The following MARK1 variants were observed in gnomAD, a reference collection of about 807,000 sequenced individuals.
MARK1 encodes microtubule affinity regulating kinase 1, also known as serine/threonine-protein kinase MARK1.
MARK1 carries 40 observed loss-of-function variants against 96.3 expected under a neutral mutation model. The ratio of observed to expected loss-of-function variants is 0.42; its 90% confidence interval spans 0.32 to 0.54. MARK1 has a LOEUF of 0.54. Among genes scored for constraint, MARK1 ranks in the 20% least tolerant of loss-of-function variants. The pLI is 0.16. For missense variants in MARK1, 719 were observed against 984.6 expected, an observed-to-expected ratio of 0.73 and a Z score of 3.61; for synonymous variants, 317 against 341.2, an observed-to-expected ratio of 0.93 and a Z score of 0.78.
At chr1:220,584,224 A>G (rs751622822) in intron 3 of MARK1, among the ~76,000 whole-genome samples, 7 of 152,084 alleles carry the variant, frequency 4.6e-5, no homozygotes, top group Admixed American at 1.3e-4. Context: ...TACATTTTCT[A>G]TTGTTTTACT....
At chr1:220,569,063 A>G (rs886424561) in intron 1 of MARK1, among the ~76,000 whole-genome samples, 4 of 152,188 alleles carry the variant, frequency 2.6e-5, no homozygotes, top group Non-Finnish European at 5.9e-5. Context: ...TCACCATCAA[A>G]TGCTATCAAA....
At chr1:220,551,027 G>A (rs1661820255) in intron 1 of MARK1, among the ~76,000 whole-genome samples, 1 of 152,214 alleles carries the variant, frequency 6.6e-6, no homozygotes, top group Non-Finnish European at 1.5e-5. Context: ...AGATGAATGT[G>A]ACATGGGGGA....
At position 220,596,770 on chromosome 1, in the gene MARK1, C is replaced by CATTT. The variant is rs530544607; in HGVS notation, c.310-1559_310-1556dup. Reference sequence around the variant, plus strand: ...TATACAATTCAGTGGCATTAAGGTGCATTTACATTGTTGTTCAAACATCAC... The same window carrying CATTT: ...TATACAATTCAGTGGCATTAAGGTGCATTTATTTACATTGTTGTTCAAACATCAC... On this transcript the variant is annotated intron_variant, in intron 3 of 17. Coordinates refer to ENST00000366917, the MANE Select transcript of MARK1 (RefSeq NM_018650.5). Among the ~76,000 whole-genome samples the CATTT allele has an allele frequency of 1.9e-3, 295 of 152,186 alleles. 1 individual carries two copies. Among genetic ancestry groups the CATTT allele is most frequent in the African/African-American group, 6.7e-3 (277 of 41,530 alleles).
intron 14 of MARK1, 63 bp from the exon 15 acceptor site, chr1:220,651,923 T>G (rs905225282): frequency 4.3e-6 from 6 of 1,390,414 alleles, no homozygotes; most frequent in African/African-American, 1.4e-5. Flanking sequence ...GTTCTTAAAT[T>G]TTAGTAAACC....
Position 220,528,757 on chromosome 1 carries a change from G to GC in MARK1, c.-60dup, listed in dbSNP as rs1368461508. 14 of 1,472,472 alleles carry GC rather than the reference G, an allele frequency of 9.5e-6. No individual in the cohort carries two copies. The highest frequency in any genetic ancestry group is 7.2e-5 in the African/African-American group (5 of 69,200). 91.2% of individuals were successfully genotyped at this position (1,472,472 alleles called of 1,614,324 possible). On this transcript the variant is annotated 5_prime_UTR_variant, in exon 1 of 18. Coordinates refer to ENST00000366917, the MANE Select transcript of MARK1 (RefSeq NM_018650.5). ...CTCGCGTCCGCACCCCTTTCCTGTC[G>GC]CCCCCCGGGGCCCGCACCACAGCCC...
chr1:220,537,472 T>C (rs1660789556), intron 1 of MARK1, among the ~76,000 whole-genome samples: 1 of 151,604 alleles, frequency 6.6e-6, no homozygotes, highest in Admixed American at 6.6e-5. Context: ...CACATTTTCT[T>C]ACTCCAGTCT....
chr1:220,556,323 A>T (rs1380836567), intron 1 of MARK1, among the ~76,000 whole-genome samples: 1 of 152,140 alleles, frequency 6.6e-6, no homozygotes, highest in Non-Finnish European at 1.5e-5. Context: ...TTAAATGATT[A>T]TTCTAAATAA....
chr1:220,530,239 GAT>G (rs1270404446), intron 1 of MARK1, among the ~76,000 whole-genome samples: 1 of 152,104 alleles, frequency 6.6e-6, no homozygotes, highest in Admixed American at 6.5e-5. Flanking sequence ...AAATGGGAAA[GAT>G]AGTGTAAGGC....
At position 220,528,153 on chromosome 1, in the gene MARK1, A is replaced by G. The variant is rs1399534241; in HGVS notation, c.-670A>G. 1 of 150,318 alleles carries G rather than the reference A, an allele frequency of 6.7e-6. No individual in the cohort carries two copies. Among genetic ancestry groups the G allele is most frequent in the African/African-American group, 2.4e-5 (1 of 41,134 alleles). The allele number at this position is 150,318 out of a possible 1,614,324, so 9.3% of individuals were successfully genotyped here. A position where few individuals can be genotyped will look rare whatever the true frequency, so the allele number is the denominator to read the frequency against. On this transcript the variant is annotated 5_prime_UTR_variant, in exon 1 of 18. Coordinates refer to ENST00000366917, the MANE Select transcript of MARK1 (RefSeq NM_018650.5). ...GCCCGCCCACCCGGCGGCGGCCGCC[A>G]AGTGCCTCTGGGCGCTGCGTGCCGC...
chr1:220,591,656 A>G (rs1353276882), intron 3 of MARK1, among the ~76,000 whole-genome samples: 1 of 152,216 alleles, frequency 6.6e-6, no homozygotes, highest in Non-Finnish European at 1.5e-5. Context: ...AGGAATTATT[A>G]AAAGTTATAT....
chr1:220,579,597 C>T, intron 2 of MARK1, 40 bp downstream of exon 2: 5 of 1,544,906 alleles, frequency 3.2e-6, no homozygotes, highest in Non-Finnish European at 4.5e-6. Context: ...GCCTGGACCT[C>T]TCTGGAGTCT....
At chr1:220,567,919 A>C (rs906313854) in intron 1 of MARK1, among the ~76,000 whole-genome samples, 1 of 152,106 alleles carries the variant, frequency 6.6e-6, no homozygotes, top group Admixed American at 6.6e-5. Context: ...GTATTTGCCT[A>C]GTATATTTTA....
intron 9 of MARK1, among the ~76,000 whole-genome samples, chr1:220,629,393 G>C (rs1188514421): frequency 6.8e-6 from 1 of 146,910 alleles, no homozygotes; most frequent in Admixed American, 6.9e-5. Context: ...TAAAAAACAC[G>C]TAACATATAT....
intron 5 of MARK1, among the ~76,000 whole-genome samples, chr1:220,602,156 A>G (rs1665789768): frequency 1.3e-5 from 2 of 152,234 alleles, no homozygotes; most frequent in Admixed American, 1.3e-4. Flanking sequence ...AAGTCAGACA[A>G]CTGCCTCTTT....
intron 1 of MARK1, among the ~76,000 whole-genome samples, chr1:220,548,131 G>C (rs966941008): frequency 6.6e-6 from 1 of 152,198 alleles, no homozygotes; most frequent in African/African-American, 2.4e-5. Context: ...TCATTCCCTG[G>C]AAATAGTGGA....
In MARK1 at chr1:220,662,689, T is replaced by C. The variant is rs1055926211; in HGVS notation, c.*523T>C. The C allele has an allele frequency of 6.5e-6, 1 of 153,476 alleles. No individual in the cohort carries two copies. The highest frequency in any genetic ancestry group is 2.4e-5 in the African/African-American group (1 of 41,452). 9.5% of individuals were successfully genotyped at this position (153,476 alleles called of 1,614,324 possible). A position where few individuals can be genotyped will look rare whatever the true frequency, so the allele number is the denominator to read the frequency against. ...TAAATTTAAACCAGAAGCTGAAAAA[T>C]AGATCAGCTTTATTATACACAAAAT... On this transcript the variant is annotated 3_prime_UTR_variant, in exon 18 of 18. Transcript: ENST00000366917.
chr1:220,579,546 A>C lies in MARK1; in HGVS notation c.244A>C (p.Thr82Pro). The C allele has an allele frequency of 6.2e-7, 1 of 1,613,916 alleles. No homozygotes were observed. The highest frequency in any genetic ancestry group is 1.1e-5 in the South Asian group (1 of 91,086). ...AKVKLARHVL[T>P]GREVAVKIID... ...AGTCAAATTGGCAAGACACGTTCTA[A>C]CTGGTAGAGAGGTAAGTTTGCACAA... Residue 82 changes from threonine (T) to proline (P), a missense_variant, in exon 2 of 18, where the codon ACT (threonine) becomes CCT (proline). Coordinates refer to ENST00000366917, the MANE Select transcript of MARK1 (RefSeq NM_018650.5).
At chr1:220,642,753 G>A (rs1414887979) in intron 13 of MARK1, among the ~76,000 whole-genome samples, 3 of 152,184 alleles carry the variant, frequency 2.0e-5, no homozygotes, top group South Asian at 2.1e-4. Context: ...CCTCTGGGAC[G>A]AAGCTTCCAG....
At chr1:220,633,114 C>T (rs1234910798) in intron 11 of MARK1, among the ~76,000 whole-genome samples, 1 of 152,006 alleles carries the variant, frequency 6.6e-6, no homozygotes, top group Non-Finnish European at 1.5e-5. Flanking sequence ...AGCGTGAACC[C>T]GTAAAGGGAG....
Sources: allele counts gnomAD v4.1 joint callset (sites outside exome capture counted in the v4.1 genomes callset), GRCh38; gene constraint gnomAD v4.1.1; transcripts MANE v1.5; gene names NCBI Gene and HGNC (gene_info 2026-07-23, HGNC 2026-07-21).